The following PRKCE variants were observed in gnomAD, a reference collection of about 807,000 sequenced individuals.
PRKCE encodes protein kinase C epsilon.
A neutral mutation model predicts 85.4 loss-of-function variants in PRKCE; 16 were observed. That is an observed-to-expected ratio of 0.19 (90% CI 0.13 to 0.28). PRKCE has a LOEUF of 0.28. Among genes scored for constraint, PRKCE ranks in the 10% least tolerant of loss-of-function variants. The pLI is 1.00. For missense variants in PRKCE, 573 were observed against 975.2 expected (o/e 0.59, Z 5.49); for synonymous variants, 388 against 371.5 (o/e 1.04, Z -0.51).
chr2:45,654,370 T>C (rs1675282766), intron 1 of PRKCE, among the ~76,000 whole-genome samples: 1 of 152,238 alleles, frequency 6.6e-6, no homozygotes, highest in African/African-American at 2.4e-5. Context: ...GTTCTCAAAT[T>C]CATGTTGGAT....
chr2:45,828,691 T>G (rs1481444067), intron 1 of PRKCE, among the ~76,000 whole-genome samples: 1 of 152,220 alleles, frequency 6.6e-6, no homozygotes, highest in Admixed American at 6.5e-5. Context: ...TTTAATGGAT[T>G]GTTTAACCTC....
chr2:45,712,603 G>A (rs575550628), intron 1 of PRKCE, among the ~76,000 whole-genome samples: 5 of 152,146 alleles, frequency 3.3e-5, no homozygotes, highest in Non-Finnish European at 5.9e-5. Context: ...GCCCTGGCTG[G>A]TCCCACTGAC....
intron 13 of PRKCE, among the ~76,000 whole-genome samples, chr2:46,157,667 C>T (rs1232123250): frequency 6.6e-6 from 1 of 152,236 alleles, no homozygotes; most frequent in East Asian, 1.9e-4. Context: ...CATCTTCCAA[C>T]TGAGAAGAGC....
chr2:45,943,102 G>C (rs1400223317), intron 2 of PRKCE, among the ~76,000 whole-genome samples: 2 of 152,086 alleles, frequency 1.3e-5, no homozygotes, highest in African/African-American at 4.8e-5. Flanking sequence ...GAGGATGATT[G>C]TATCTCGGCG....
chr2:46,034,015 A>G (rs11897569), intron 10 of PRKCE, among the ~76,000 whole-genome samples: 2 of 152,252 alleles, frequency 1.3e-5, no homozygotes, highest in African/African-American at 4.8e-5. Flanking sequence ...TAAAACAGGC[A>G]CCAAGTCTAG....
intron 2 of PRKCE, among the ~76,000 whole-genome samples, chr2:45,960,316 G>A (rs1319247141): frequency 6.6e-6 from 1 of 152,194 alleles, no homozygotes; most frequent in Non-Finnish European, 1.5e-5. Context: ...TGGAGGTAGT[G>A]ATACTAATCG....
chr2:45,798,958 G>A (rs540166896), intron 1 of PRKCE, among the ~76,000 whole-genome samples: 5 of 152,130 alleles, frequency 3.3e-5, no homozygotes, highest in South Asian at 2.1e-4. Flanking sequence ...ACAAGGTCAG[G>A]AGATCAAGAC....
At chr2:45,814,520 T>A (rs1688885212) in intron 1 of PRKCE, among the ~76,000 whole-genome samples, 1 of 152,172 alleles carries the variant, frequency 6.6e-6, no homozygotes, top group Non-Finnish European at 1.5e-5. Flanking sequence ...AGAAATCTTT[T>A]ATGCTGAAAA....
At chr2:46,027,947 CT>C (rs1222949038) in intron 10 of PRKCE, among the ~76,000 whole-genome samples, 191 of 145,602 alleles carry the variant, frequency 1.3e-3, no homozygotes, top group Non-Finnish European at 1.0e-3. Flanking sequence ...TCTTTTTTTT[CT>C]TTTTTTTTTT....
chr2:46,147,709 AG>A (rs1409762478), intron 12 of PRKCE, among the ~76,000 whole-genome samples: 1 of 152,230 alleles, frequency 6.6e-6, no homozygotes, highest in Non-Finnish European at 1.5e-5. Flanking sequence ...ATGCCTCTAA[AG>A]CATTAGCCCA....
chr2:45,668,170 G>A (rs1278598376), intron 1 of PRKCE, among the ~76,000 whole-genome samples: 3 of 152,046 alleles, frequency 2.0e-5, no homozygotes, highest in South Asian at 2.1e-4. Context: ...GAGAAACCCC[G>A]TCTGTACTAA....
intron 10 of PRKCE, among the ~76,000 whole-genome samples, chr2:46,080,274 G>A (rs1668948519): frequency 6.6e-6 from 1 of 152,178 alleles, no homozygotes; most frequent in Non-Finnish European, 1.5e-5. Context: ...AAACAATGCA[G>A]ACTCAGTAGA....
At chr2:46,117,830 C>T (rs3820732) in intron 11 of PRKCE, among the ~76,000 whole-genome samples, 4,567 of 152,254 alleles carry the variant, frequency 0.03, 126 homozygotes, top group East Asian at 0.11. Flanking sequence ...TAGGTAATCA[C>T]TGAATCTTTG....
intron 10 of PRKCE, 135 bp from the exon 11 acceptor site, chr2:46,086,073 C>T: frequency 1.2e-6 from 1 of 838,016 alleles, no homozygotes; most frequent in South Asian, 1.6e-5. Flanking sequence ...GGATCAGGTG[C>T]TACCAGGATT....
intron 11 of PRKCE, among the ~76,000 whole-genome samples, chr2:46,135,079 C>T (rs1283724345): frequency 3.9e-5 from 6 of 152,134 alleles, no homozygotes; most frequent in Admixed American, 3.3e-4. Context: ...AGGTACCAGG[C>T]TATTTATTTT....
chr2:45,876,988 TTACCATTTAAGTATTTATGCCTACTTA>T (rs1379780383), intron 2 of PRKCE, among the ~76,000 whole-genome samples: 5 of 152,260 alleles, frequency 3.3e-5, no homozygotes, highest in African/African-American at 1.2e-4. Flanking sequence ...ACTTTGGAAA[TTACCATTTAAGTATTTATGCCTACTTA>T]TAAAATTAAA....
At chr2:46,102,082 T>C (rs1250789323) in intron 11 of PRKCE, among the ~76,000 whole-genome samples, 2 of 152,102 alleles carry the variant, frequency 1.3e-5, no homozygotes, top group Non-Finnish European at 2.9e-5. Context: ...CCATTCTGTG[T>C]TCAGTCACAT....
At chr2:45,880,173 C>T (rs568636221) in intron 2 of PRKCE, among the ~76,000 whole-genome samples, 13 of 152,342 alleles carry the variant, frequency 8.5e-5, no homozygotes, top group African/African-American at 1.4e-4. Context: ...GTTGCATTTA[C>T]GTTGCTCTGC....
chr2:45,682,458 G>T (rs1676981671), intron 1 of PRKCE, among the ~76,000 whole-genome samples: 2 of 151,674 alleles, frequency 1.3e-5, no homozygotes, highest in South Asian at 4.2e-4. Flanking sequence ...ACAGAATCTT[G>T]CTCTGTTGAC....
Sources: allele counts gnomAD v4.1 joint callset (sites outside exome capture counted in the v4.1 genomes callset), GRCh38; gene constraint gnomAD v4.1.1; transcripts MANE v1.5; gene names NCBI Gene and HGNC (gene_info 2026-07-23, HGNC 2026-07-21).